PHLDB2: variants seen among roughly 807,000 people sequenced by gnomAD.
PHLDB2 encodes the protein pleckstrin homology like domain family B member 2.
PHLDB2 carries 71 observed loss-of-function variants against 123.6 expected under a neutral mutation model. The ratio of observed to expected loss-of-function variants is 0.57; its 90% CI spans 0.47 to 0.70. PHLDB2 has a LOEUF of 0.70. PHLDB2 is among the 30% of genes least tolerant of loss of function. The pLI, the probability that PHLDB2 is intolerant of heterozygous loss-of-function variation, is 0.00. For synonymous variants in PHLDB2, 547 were observed against 541.6 expected, an observed-to-expected ratio of 1.01 and a Z score of -0.14; for missense variants, 1,446 against 1,519.5, an observed-to-expected ratio of 0.95 and a Z score of 0.80.
chr3:111,846,138 T>A (rs937558), intron 2 of PHLDB2: 535,961 of 539,744 alleles, frequency 0.99, 266,210 homozygotes, highest in East Asian at 1. Flanking sequence ...TTCACTGAAG[T>A]CATATGCTGA....
chr3:111,922,479 C>T lies in PHLDB2; in HGVS notation c.2001+2060C>T, dbSNP rs531406965. Among the ~76,000 whole-genome samples, 5 of 152,262 alleles carry T rather than the reference C, an allele frequency of 3.3e-5. No homozygotes were observed. In the East Asian group the frequency reaches 9.6e-4, roughly 29 times the overall value. ...CAGAGGCTATGCACTGGAGAGGGGACTACAGGGGCTTGACGCATAGGACCA... is the reference window on the plus strand; with the variant it reads ...CAGAGGCTATGCACTGGAGAGGGGATTACAGGGGCTTGACGCATAGGACCA... On this transcript the variant is annotated intron_variant, in intron 5 of 17. Coordinates refer to ENST00000431670, the MANE Select transcript of PHLDB2 (RefSeq NM_001134438.2).
At chr3:111,970,112 TTA>T (rs1274447474) in intron 16 of PHLDB2, among the ~76,000 whole-genome samples, 1 of 152,170 alleles carries the variant, frequency 6.6e-6, no homozygotes, top group African/African-American at 2.4e-5. Context: ...ATAATAAACT[TTA>T]TATGTTACTT....
At chr3:111,757,998 T>C (rs1490268573) in intron 1 of PHLDB2, among the ~76,000 whole-genome samples, 1 of 152,140 alleles carries the variant, frequency 6.6e-6, no homozygotes, top group African/African-American at 2.4e-5. Flanking sequence ...GTGTGAGGTG[T>C]CAGTCTGCCC....
intron 1 of PHLDB2, among the ~76,000 whole-genome samples, chr3:111,877,721 T>G (rs2065706092): frequency 6.6e-6 from 1 of 152,262 alleles, no homozygotes; most frequent in Non-Finnish European, 1.5e-5. Flanking sequence ...AAGTCTTTAA[T>G]CCATCTTGAG....
intron 16 of PHLDB2, 28 bp downstream of exon 16, chr3:111,969,937 A>G (rs775680392): frequency 1.4e-5 from 23 of 1,603,080 alleles, no homozygotes; most frequent in Non-Finnish European, 2.0e-5. Flanking sequence ...TTTAAGCCAT[A>G]TACTCAAATC....
At chr3:111,799,108 C>A (rs568430441) in intron 1 of PHLDB2, among the ~76,000 whole-genome samples, 4 of 152,214 alleles carry the variant, frequency 2.6e-5, no homozygotes, top group Non-Finnish European at 5.9e-5. Flanking sequence ...TGAGAACTCA[C>A]TATCACAAGA....
At chr3:111,808,687 C>A (rs1202324412) in intron 1 of PHLDB2, among the ~76,000 whole-genome samples, 2 of 152,132 alleles carry the variant, frequency 1.3e-5, no homozygotes, top group African/African-American at 4.8e-5. Flanking sequence ...CAAATACAAT[C>A]TGCATGGACT....
intron 1 of PHLDB2, among the ~76,000 whole-genome samples, chr3:111,745,603 T>A (rs1255597303): frequency 2.0e-5 from 3 of 151,774 alleles, no homozygotes; most frequent in African/African-American, 2.4e-5. Context: ...CTACAAAAAA[T>A]TTTTTAAAAA....
chr3:111,752,222 G>GTGTGTT (rs2059790189), intron 1 of PHLDB2, among the ~76,000 whole-genome samples: 1 of 141,454 alleles, frequency 7.1e-6, no homozygotes, highest in Non-Finnish European at 1.5e-5. Flanking sequence ...GTTTCTAAGT[G>GTGTGTT]TGTGTGTGTG....
rs72357648 is a variant in PHLDB2 at position 111,829,927 on chromosome 3, A to AACACACACAC, written c.-48-15858_-48-15849dup. Among the ~76,000 whole-genome samples, 426 of 136,010 alleles carry AACACACACAC rather than the reference A, an allele frequency of 3.1e-3. 2 individuals carry two copies. Among genetic ancestry groups the AACACACACAC allele is most frequent in the South Asian group, 6.6e-3 (26 of 3,950 alleles). 89.2% of individuals were successfully genotyped at this position (136,010 alleles called of 152,430 possible). On this transcript the variant is annotated intron_variant, in intron 1 of 17. Transcript: ENST00000393923. ...TCACCAAACTGACAGAACTATTCAA[A>AACACACACAC]ACACACACACACACACACACACACA...
intron 1 of PHLDB2, among the ~76,000 whole-genome samples, chr3:111,873,163 G>T (rs1380652944): frequency 2.0e-5 from 3 of 152,160 alleles, no homozygotes; most frequent in African/African-American, 7.2e-5. Flanking sequence ...CCTGCTTGTT[G>T]CTTCCCTAGA....
intron 2 of PHLDB2, among the ~76,000 whole-genome samples, chr3:111,850,407 T>G (rs1456980870): frequency 2.0e-5 from 3 of 152,156 alleles, no homozygotes; most frequent in African/African-American, 7.2e-5. Context: ...ATATAATTCA[T>G]TCGTGTAATA....
chr3:111,745,457 G>C (rs1216123932), intron 1 of PHLDB2, among the ~76,000 whole-genome samples: 1 of 152,174 alleles, frequency 6.6e-6, no homozygotes, highest in Non-Finnish European at 1.5e-5. Flanking sequence ...AGTTGGAGAG[G>C]TTGAAGCATT....
chr3:111,797,448 C>T (rs928264626), intron 1 of PHLDB2, among the ~76,000 whole-genome samples: 2 of 152,192 alleles, frequency 1.3e-5, no homozygotes, highest in Non-Finnish European at 2.9e-5. Context: ...ACTAGAGGCC[C>T]AGCCATTGCC....
At chr3:111,751,168 G>GGTGTGTGTGTGT (rs35962012) in intron 1 of PHLDB2, among the ~76,000 whole-genome samples, 12 of 144,124 alleles carry the variant, frequency 8.3e-5, no homozygotes, top group African/African-American at 3.1e-4. Flanking sequence ...GAGACAATGG[G>GGTGTGTGTGTGT]GTGTGTGTGT....
At chr3:111,804,693 C>G (rs2061504730) in intron 1 of PHLDB2, among the ~76,000 whole-genome samples, 1 of 152,186 alleles carries the variant, frequency 6.6e-6, no homozygotes, top group Non-Finnish European at 1.5e-5. Context: ...TTTAAAATTA[C>G]AGCTAATACT....
chr3:111,752,724 C>T (rs959308911), intron 1 of PHLDB2, among the ~76,000 whole-genome samples: 48 of 151,532 alleles, frequency 3.2e-4, no homozygotes, highest in African/African-American at 5.3e-4. Flanking sequence ...TGTATACATG[C>T]GCCATGCTGG....
At chr3:111,781,800 G>A (rs1260693937) in intron 1 of PHLDB2, among the ~76,000 whole-genome samples, 2 of 152,130 alleles carry the variant, frequency 1.3e-5, no homozygotes, top group Non-Finnish European at 2.9e-5. Flanking sequence ...GGGGAAAGGT[G>A]TTTTTTAATC....
intron 2 of PHLDB2, among the ~76,000 whole-genome samples, chr3:111,897,484 C>G (rs1362503578): frequency 1.3e-5 from 2 of 152,170 alleles, no homozygotes; most frequent in Admixed American, 1.3e-4. Context: ...CCTAAAGTTG[C>G]AAATAGCCAA....
Sources: allele counts gnomAD v4.1 joint callset (sites outside exome capture counted in the v4.1 genomes callset), GRCh38; gene constraint gnomAD v4.1.1; transcripts MANE v1.5; gene names NCBI Gene and HGNC (gene_info 2026-07-23, HGNC 2026-07-21).